KBTBD13: variants seen among roughly 807,000 people sequenced by gnomAD.
KBTBD13 encodes the protein kelch repeat and BTB domain-containing protein 13.
KBTBD13 carries 32 observed loss-of-function variants against 25.4 expected under a neutral mutation model. The ratio of observed to expected loss-of-function variants is 1.26; its 90% CI spans 0.95 to 1.69. The LOEUF (loss-of-function observed/expected upper bound fraction) is 1.69, where lower values mean the gene tolerates loss of function less well. KBTBD13 is among the 40% of genes most tolerant of loss of function. The pLI, the probability that KBTBD13 is intolerant of heterozygous loss-of-function variation, is 0.00. For missense variants in KBTBD13, 898 were observed against 679.5 expected (o/e 1.32, Z -3.57); for synonymous variants, 436 against 329.8 (o/e 1.32, Z -3.49).
In KBTBD13 at chr15:65,078,188, T is replaced by C. The variant is rs2140546272; in HGVS notation, c.1373T>C (p.Leu458Pro). ...CCTGTGACTTCGACAACGGCAGAAC[T>C]GTGACCTCTGGGCTGGCTTTAGGAG... ...PGPVTSTTAEL is the reference protein window; with the variant it reads ...PGPVTSTTAEP Residue 458 changes from leucine to proline, a missense_variant, in exon 1 of 1, where the codon CTG (leucine) becomes CCG (proline). Leu to Pro is a moderately conservative substitution (Grantham distance 98, BLOSUM62 -3). Transcript: ENST00000432196. 6.5e-7 allele frequency: 1 copy of C among 1,538,750 alleles called. No individual in the cohort carries two copies. Among genetic ancestry groups the C allele is most frequent in the South Asian group, 1.2e-5 (1 of 84,154 alleles).
Position 65,078,489 on chromosome 15 carries a change from G to A in KBTBD13, c.*297G>A, listed in dbSNP as rs945411683. Among the ~76,000 whole-genome samples, 1 of 152,170 alleles carries A rather than the reference G, an allele frequency of 6.6e-6. No individual in the cohort carries two copies. Among genetic ancestry groups the A allele is most frequent in the African/African-American group, 2.4e-5 (1 of 41,436 alleles). ...TGTAATGGGCTAGTGATTGAGCATC[G>A]CTGGGAGCGACTTAAATGATGTTAA... is the stretch of plus-strand genomic sequence containing the variant. On this transcript the variant is annotated 3_prime_UTR_variant, in exon 1 of 1. Transcript: ENST00000432196.
Position 65,077,243 on chromosome 15 carries a change from C to T in KBTBD13, c.428C>T (p.Pro143Leu), listed in dbSNP as rs2140544040. 1.4e-6 allele frequency: 2 copies of T among 1,426,936 alleles called. No individual in the cohort carries two copies. The highest frequency in any genetic ancestry group is 5.7e-5 in the East Asian group (2 of 34,888). The allele number at this position is 1,426,936 out of a possible 1,614,324, so 88.4% of individuals were successfully genotyped here. Residue 143 changes from proline (P) to leucine (L), a missense_variant, in exon 1 of 1, where the codon CCT (proline) becomes CTT (leucine). By Grantham distance (98) the Pro-to-Leu change is moderately conservative. Coordinates refer to ENST00000432196, the MANE Select transcript of KBTBD13 (RefSeq NM_001101362.3). ...GAGCTGGCGGCCGAACTGGCGCTGC[C>T]TGAGGCCCGCGCCTACGTGGCGGCC... is the stretch of plus-strand genomic sequence containing the variant. ...ERELAAELAL[P>L]EARAYVAALR...
At position 65,077,195 on chromosome 15, in the gene KBTBD13, TCTTCATCTGCGACGG is replaced by T; in HGVS notation, c.382_396del (p.Phe128_Gly132del). On this transcript the variant is annotated inframe_deletion, in exon 1 of 1. Coordinates refer to ENST00000432196, the MANE Select transcript of KBTBD13 (RefSeq NM_001101362.3). ...CGCGACGTGTTCCACAGTGCCGCGC[TCTTCATCTGCGACGG>T]CGAGCGCGAGCTGGCGGCCGAACTG... The T allele has an allele frequency of 6.8e-7, 1 of 1,460,332 alleles. No homozygotes were observed. Among genetic ancestry groups the T allele is most frequent in the Non-Finnish European group, 9.0e-7 (1 of 1,108,108 alleles). The allele number at this position is 1,460,332 out of a possible 1,614,324, so 90.5% of individuals were successfully genotyped here.
chr15:65,078,297 T>G lies in KBTBD13; in HGVS notation c.*105T>G. 1.4e-6 allele frequency: 2 copies of G among 1,433,616 alleles called. No homozygotes were observed. Among genetic ancestry groups the G allele is most frequent in the Non-Finnish European group, 1.8e-6 (2 of 1,084,440 alleles). 88.8% of individuals were successfully genotyped at this position (1,433,616 alleles called of 1,614,324 possible). On this transcript the variant is annotated 3_prime_UTR_variant, in exon 1 of 1. Transcript: ENST00000432196. ...AAGTAGCTGGCAACTTCCCTCTTTC[T>G]ACTGAGACACCCAGGTTTGGTGCCT...
In KBTBD13 at chr15:65,079,066, G is replaced by A. The variant is rs181894865; in HGVS notation, c.*874G>A. Among the ~76,000 whole-genome samples the A allele has an allele frequency of 3.7e-3, 557 of 152,294 alleles. 3 individuals are homozygous for A. The highest frequency in any genetic ancestry group is 0.013 in the African/African-American group (534 of 41,552). Reference sequence around the variant, plus strand: ...TGGAGTGAGACCTGTGGGGGCGAGAGGATTCTTCACGTTCCTTTTTGGAAC... The same window carrying A: ...TGGAGTGAGACCTGTGGGGGCGAGAAGATTCTTCACGTTCCTTTTTGGAAC... On this transcript the variant is annotated 3_prime_UTR_variant, in exon 1 of 1. Transcript: ENST00000432196.
In KBTBD13 at chr15:65,077,202, C is replaced by T. The variant is rs1246047806; in HGVS notation, c.387C>T (p.Ile129=). The T allele has an allele frequency of 9.6e-6, 14 of 1,457,136 alleles. No individual in the cohort carries two copies. Among genetic ancestry groups the T allele is most frequent in the Non-Finnish European group, 1.1e-5 (12 of 1,106,608 alleles). The allele number at this position is 1,457,136 out of a possible 1,614,324, so 90.3% of individuals were successfully genotyped here. The change falls in exon 1 of 1, where the codon ATC becomes ATT. Residue 129 remains isoleucine (I), a synonymous_variant. Transcript: ENST00000432196. ...TGTTCCACAGTGCCGCGCTCTTCAT[C>T]TGCGACGGCGAGCGCGAGCTGGCGG... ...RDVFHSAALF[I]CDGERELAAE...
rs1455562237 is a variant in KBTBD13, at chr15:65,077,586, C to T, written c.771C>T (p.Asp257=). The change falls in exon 1 of 1, where the codon GAC becomes GAT. Residue 257 remains aspartate, a synonymous_variant. Transcript: ENST00000432196. ...PRYDTALAGF[D]GRLYAIGGEF... ...ATGACACAGCGCTGGCCGGCTTCGA[C>T]GGCCGCCTCTACGCCATCGGCGGCG... is the stretch of plus-strand genomic sequence containing the variant. The T allele has an allele frequency of 3.8e-6, 6 of 1,564,646 alleles. No individual in the cohort carries two copies. The highest frequency in any genetic ancestry group is 1.8e-5 in the Admixed American group (1 of 55,126).
chr15:65,079,112 G>T lies in KBTBD13; in HGVS notation c.*920G>T, dbSNP rs1228447255. Reference sequence around the variant, plus strand: ...GGAACCCTTAGGGGAGCACCCAGGTGTAAGCCCTTGCCCACCCTGTTTTTG... The same window carrying T: ...GGAACCCTTAGGGGAGCACCCAGGTTTAAGCCCTTGCCCACCCTGTTTTTG... On this transcript the variant is annotated 3_prime_UTR_variant, in exon 1 of 1. Coordinates refer to ENST00000432196, the MANE Select transcript of KBTBD13 (RefSeq NM_001101362.3). Among the ~76,000 whole-genome samples, 1 of 152,232 alleles carries T rather than the reference G, an allele frequency of 6.6e-6. No individual in the cohort carries two copies. The highest frequency in any genetic ancestry group is 1.5e-5 in the Non-Finnish European group (1 of 68,038).
Position 65,078,268 on chromosome 15 carries a change from T to C in KBTBD13, c.*76T>C. ...TATGGCTGAGTGTGTGAGGCCGGCCTTAGAAGTAGCTGGCAACTTCCCTCT... is the reference window on the plus strand; with the variant it reads ...TATGGCTGAGTGTGTGAGGCCGGCCCTAGAAGTAGCTGGCAACTTCCCTCT... On this transcript the variant is annotated 3_prime_UTR_variant, in exon 1 of 1. Transcript: ENST00000432196. The C allele has an allele frequency of 6.7e-7, 1 of 1,482,922 alleles. No individual in the cohort carries two copies. The highest frequency in any genetic ancestry group is 8.9e-7 in the Non-Finnish European group (1 of 1,119,540). 91.9% of individuals were successfully genotyped at this position (1,482,922 alleles called of 1,614,324 possible). A position where few individuals can be genotyped will look rare whatever the true frequency, so the allele number is the denominator to read the frequency against.
At position 65,079,779 on chromosome 15, in the gene KBTBD13, C is replaced by A. The variant is rs1566961099; in HGVS notation, c.*1587C>A. Among the ~76,000 whole-genome samples the A allele has an allele frequency of 6.6e-6, 1 of 152,230 alleles. No homozygotes were observed. The highest frequency in any genetic ancestry group is 1.5e-5 in the Non-Finnish European group (1 of 68,048). On this transcript the variant is annotated 3_prime_UTR_variant, in exon 1 of 1. Coordinates refer to ENST00000432196, the MANE Select transcript of KBTBD13 (RefSeq NM_001101362.3). ...AGTGGAGAATGCAGTGTCAGCATGA[C>A]ACCTCCGGGGCATGGAGGCTCGCGC...
At position 65,077,283 on chromosome 15, in the gene KBTBD13, C is replaced by T. The variant is rs1199580444; in HGVS notation, c.468C>T (p.Ser156=). ...ACGTGGCGGCCCTGCGGCCCAGCAG[C>T]TACGCGGCCGTGAGCACGCACACGC... ...RAYVAALRPS[S]YAAVSTHTPA... Residue 156 remains serine (S), a synonymous_variant, in exon 1 of 1, where the codon AGC becomes AGT. Coordinates refer to ENST00000432196, the MANE Select transcript of KBTBD13 (RefSeq NM_001101362.3). The T allele has an allele frequency of 7.1e-7, 1 of 1,398,704 alleles. No homozygotes were observed. Among genetic ancestry groups the T allele is most frequent in the Non-Finnish European group, 9.2e-7 (1 of 1,082,572 alleles). 86.6% of individuals were successfully genotyped at this position (1,398,704 alleles called of 1,614,324 possible). A position where few individuals can be genotyped will look rare whatever the true frequency, so the allele number is the denominator to read the frequency against.
At position 65,077,877 on chromosome 15, in the gene KBTBD13, T is replaced by A. The variant is rs2087002336; in HGVS notation, c.1062T>A (p.Tyr354Ter). Residue 354 changes from tyrosine (Y) to a stop codon, truncating the protein, a stop_gained, in exon 1 of 1, where the codon TAT (tyrosine) becomes TAA (stop). Coordinates refer to ENST00000432196, the MANE Select transcript of KBTBD13 (RefSeq NM_001101362.3). LOFTEE classifies it high-confidence loss of function. ...HCMVAHRDSL[Y>*]VVRNGPSDDF... ...TGGTGGCCCACCGCGACAGCCTCTA[T>A]GTGGTGCGCAACGGACCTTCCGACG... 1 of 1,611,654 alleles carries A rather than the reference T, an allele frequency of 6.2e-7. No homozygotes were observed. Among genetic ancestry groups the A allele is most frequent in the African/African-American group, 1.3e-5 (1 of 74,938 alleles).
rs768422348 is a variant in KBTBD13 at position 65,077,512 on chromosome 15, C to A, written c.697C>A (p.Pro233Thr). 10 of 1,524,534 alleles carry A rather than the reference C, an allele frequency of 6.6e-6. No homozygotes were observed. The African/African-American group carries it at 9.6e-5, about 15-fold the overall frequency. The allele number at this position is 1,524,534 out of a possible 1,614,324, so 94.4% of individuals were successfully genotyped here. Residue 233 changes from proline (P) to threonine (T), a missense_variant, in exon 1 of 1, where the codon CCC (proline) becomes ACC (threonine). Pro to Thr is a conservative substitution (Grantham distance 38, BLOSUM62 -1). Transcript: ENST00000432196. The stretch of plus-strand genomic sequence containing the variant: ...GGTAGAGCTGGGCTTCTGCTACGAC[C>A]CCGACGGCGGCACGTGGCACGAGTT... ...EVVELGFCYD[P>T]DGGTWHEFPS...
rs995813983 is a variant in KBTBD13, at chr15:65,077,151, G to C, written c.336G>C (p.Ala112=). 8 of 1,512,976 alleles carry C rather than the reference G, an allele frequency of 5.3e-6. No individual in the cohort carries two copies. Among genetic ancestry groups the C allele is most frequent in the African/African-American group, 1.4e-5 (1 of 69,898 alleles). The allele number at this position is 1,512,976 out of a possible 1,614,324, so 93.7% of individuals were successfully genotyped here. The change falls in exon 1 of 1, where the codon GCG becomes GCC. Residue 112 remains alanine, a synonymous_variant. Transcript: ENST00000432196. ...ACAACTGCGCATTGCTGTGCGACGCGGCCGCCGCCTTCGGCCTGCGCGACG... is the reference window on the plus strand; with the variant it reads ...ACAACTGCGCATTGCTGTGCGACGCCGCCGCCGCCTTCGGCCTGCGCGACG... ...TSDNCALLCD[A]AAAFGLRDVF... is the part of the protein sequence containing the mutation.
Position 65,077,337 on chromosome 15 carries a change from G to C in KBTBD13, c.522G>C (p.Ser174=). 6.9e-7 allele frequency: 1 copy of C among 1,456,862 alleles called. No individual in the cohort carries two copies. The highest frequency in any genetic ancestry group is 1.5e-5 in the African/African-American group (1 of 67,920). The allele number at this position is 1,456,862 out of a possible 1,614,324, so 90.2% of individuals were successfully genotyped here. A position where few individuals can be genotyped will look rare whatever the true frequency, so the allele number is the denominator to read the frequency against. Residue 174 remains serine (S), a synonymous_variant, in exon 1 of 1, where the codon TCG becomes TCC. Coordinates refer to ENST00000432196, the MANE Select transcript of KBTBD13 (RefSeq NM_001101362.3). The part of the protein sequence containing the change: ...TPAPGFLEDA[S]RTLCYLDEEE... ...CGCCCGGCTTCCTGGAGGACGCCTCGCGCACGCTGTGTTACCTGGACGAGG... is the reference window on the plus strand; with the variant it reads ...CGCCCGGCTTCCTGGAGGACGCCTCCCGCACGCTGTGTTACCTGGACGAGG...
rs1364820587 is a variant in KBTBD13 at position 65,079,270 on chromosome 15, A to G, written c.*1078A>G. ...TACAGGTTTGTTCTCTTCCTGTCCT[A>G]TTCTGCCCTTTGCAATTCCCTGGGC... On this transcript the variant is annotated 3_prime_UTR_variant, in exon 1 of 1. Transcript: ENST00000432196. Among the ~76,000 whole-genome samples the G allele has an allele frequency of 2.0e-5, 3 of 151,986 alleles. No homozygotes were observed. Among genetic ancestry groups the G allele is most frequent in the Admixed American group, 1.3e-4 (2 of 15,274 alleles).
Position 65,076,915 on chromosome 15 carries a change from G to T in KBTBD13, c.100G>T (p.Gly34Cys). Reference sequence around the variant, plus strand: ...GGTGGAGCACTGTGGCTTCTTCCGAGGCCTCTTCCGCTCCGGCATGCGGGA... The same window carrying T: ...GGTGGAGCACTGTGGCTTCTTCCGATGCCTCTTCCGCTCCGGCATGCGGGA... ...LLVEHCGFFR[G>C]LFRSGMRETR... Residue 34 changes from glycine (G) to cysteine (C), a missense_variant, in exon 1 of 1, where the codon GGC becomes TGC. Transcript: ENST00000432196. The T allele has an allele frequency of 6.4e-6, 10 of 1,561,558 alleles. No individual in the cohort carries two copies. Among genetic ancestry groups the T allele is most frequent in the Non-Finnish European group, 8.6e-6 (10 of 1,161,246 alleles).
Position 65,076,993 on chromosome 15 carries a change from G to C in KBTBD13, c.178G>C (p.Ala60Pro), listed in dbSNP as rs780568299. Residue 60 changes from alanine (A) to proline (P), a missense_variant, in exon 1 of 1, where the codon GCC becomes CCC. Physicochemically the swap from Ala to Pro is conservative, Grantham distance 27. Coordinates refer to ENST00000432196, the MANE Select transcript of KBTBD13 (RefSeq NM_001101362.3). ...LGVLSAGGFR[A>P]TLQVLRGDRP... is the part of the protein sequence containing the mutation. ...CGTTCTGAGCGCGGGAGGTTTCCGC[G>C]CCACGCTGCAGGTGCTGCGCGGCGA... The C allele has an allele frequency of 4.6e-6, 7 of 1,534,090 alleles. No homozygotes were observed. In the African/African-American group the frequency reaches 8.3e-5, roughly 18 times the overall value.
Position 65,077,438 on chromosome 15 carries a change from G to C in KBTBD13, c.623G>C (p.Gly208Ala), listed in dbSNP as rs1198118426. The C allele has an allele frequency of 6.5e-7, 1 of 1,528,518 alleles. No homozygotes were observed. Among genetic ancestry groups the C allele is most frequent in the Non-Finnish European group, 8.8e-7 (1 of 1,142,520 alleles). 94.7% of individuals were successfully genotyped at this position (1,528,518 alleles called of 1,614,324 possible). A position where few individuals can be genotyped will look rare whatever the true frequency, so the allele number is the denominator to read the frequency against. The change falls in exon 1 of 1, where the codon GGC becomes GCC. Residue 208 changes from glycine to alanine, a missense_variant. Physicochemically the swap from Gly to Ala is moderately conservative, Grantham distance 60. Transcript: ENST00000432196. ...STLLAGVATL[G>A]NKLYIVGGVR... ...TTGCTGGCCGGGGTGGCCACGCTGG[G>C]CAACAAGCTTTACATCGTGGGGGGC... is the stretch of plus-strand genomic sequence containing the variant.
Sources: allele counts gnomAD v4.1 joint callset (sites outside exome capture counted in the v4.1 genomes callset), GRCh38; gene constraint gnomAD v4.1.1; transcripts MANE v1.5; gene names NCBI Gene and HGNC (gene_info 2026-07-23, HGNC 2026-07-21).